The following ZNF431 variants were observed in gnomAD, a reference collection of about 807,000 sequenced individuals.
ZNF431 encodes the protein zinc finger protein 431.
Under a neutral mutation model 57.0 loss-of-function variants are expected in ZNF431, and 34 were observed. That is an observed-to-expected ratio of 0.60 (90% confidence interval 0.45 to 0.79). The LOEUF is 0.79. ZNF431 is among the 30% of genes least tolerant of loss of function. The pLI is 0.00. For missense variants in ZNF431, 607 were observed against 667.1 expected, an observed-to-expected ratio of 0.91 and a Z score of 0.99; for synonymous variants, 207 against 220.3, an observed-to-expected ratio of 0.94 and a Z score of 0.54.
chr19:21,160,023 T>C (rs1398754837), intron 2 of ZNF431, among the ~76,000 whole-genome samples: 1 of 149,536 alleles, frequency 6.7e-6, no homozygotes, highest in Non-Finnish European at 1.5e-5. Context: ...ACTTAGAGTA[T>C]GCTAGAACAG....
chr19:21,160,592 C>T (rs1568302479), intron 2 of ZNF431, among the ~76,000 whole-genome samples: 1 of 152,192 alleles, frequency 6.6e-6, no homozygotes, highest in Non-Finnish European at 1.5e-5. Context: ...AGTGGGCCCT[C>T]AGCCGTGGAT....
intron 1 of ZNF431, 108 bp from the exon 2 acceptor site, chr19:21,143,443 C>G (rs1406409385): frequency 3.5e-6 from 3 of 859,728 alleles, no homozygotes; most frequent in Non-Finnish European, 3.8e-6. Context: ...TAGTTTTTTT[C>G]TGGTCGTGGG....
At position 21,183,006 on chromosome 19, in the gene ZNF431, G is replaced by A; in HGVS notation, c.703G>A (p.Glu235Lys). 1.9e-6 allele frequency: 3 copies of A among 1,614,076 alleles called. No individual in the cohort carries two copies. Among genetic ancestry groups the A allele is most frequent in the Non-Finnish European group, 2.5e-6 (3 of 1,179,936 alleles). Reference sequence around the variant, plus strand: ...TATTAGAGAGAATTCTTACCAATGTGAAGAATGTGGCAAAGCTTTTAAATG... The same window carrying A: ...TATTAGAGAGAATTCTTACCAATGTAAAGAATGTGGCAAAGCTTTTAAATG... ...IHIRENSYQC[E>K]ECGKAFKWFS... Residue 235 changes from glutamate to lysine, a missense_variant, in exon 5 of 5, where the codon GAA becomes AAA. Coordinates refer to ENST00000311048, the MANE Select transcript of ZNF431 (RefSeq NM_133473.4).
rs546191861 is a variant in ZNF431, at chr19:21,162,959, CCTAT to C, written c.97-3373_97-3370del. On this transcript the variant is annotated intron_variant, in intron 2 of 4. Coordinates refer to ENST00000311048, the MANE Select transcript of ZNF431 (RefSeq NM_133473.4). ...TTAAATTCTCTCATTCTGTATCCCT[CCTAT>C]CTGTCTATATTTAGCTTTTATTCTA... is the stretch of plus-strand genomic sequence containing the variant. 2.5e-3 allele frequency among the ~76,000 whole-genome samples: 385 copies of C among 151,984 alleles called. 2 individuals are homozygous for C. Among genetic ancestry groups the C allele is most frequent in the African/African-American group, 7.8e-3 (323 of 41,448 alleles).
At chr19:21,168,358 A>G (rs1208509727) in intron 4 of ZNF431, among the ~76,000 whole-genome samples, 1 of 151,982 alleles carries the variant, frequency 6.6e-6, no homozygotes, top group Non-Finnish European at 1.5e-5. Context: ...TATTCTTTCA[A>G]TCCAAGACAT....
intron 1 of ZNF431, 96 bp from the exon 2 acceptor site, chr19:21,143,455 T>C: frequency 1.0e-6 from 1 of 974,274 alleles, no homozygotes; most frequent in Non-Finnish European, 1.6e-6. Flanking sequence ...GGTCGTGGGT[T>C]TCAGTGCTGT....
chr19:21,182,502 G>A, intron 4 of ZNF431, 121 bp from the exon 5 acceptor site: 2 of 1,093,240 alleles, frequency 1.8e-6, no homozygotes, highest in Non-Finnish European at 2.5e-6. Flanking sequence ...AAGGATTTAG[G>A]GCCTATGGTA....
At chr19:21,177,647 G>T (rs1054417755) in intron 4 of ZNF431, among the ~76,000 whole-genome samples, 3 of 152,120 alleles carry the variant, frequency 2.0e-5, no homozygotes, top group Non-Finnish European at 2.9e-5. Context: ...AATTAGCCTG[G>T]CATGGTGGCA....
At chr19:21,171,196 A>G (rs1970877815) in intron 4 of ZNF431, among the ~76,000 whole-genome samples, 1 of 152,200 alleles carries the variant, frequency 6.6e-6, no homozygotes. Flanking sequence ...TTCTAATTAT[A>G]CTGCATATTC....
chr19:21,164,837 G>A (rs1018866746), intron 2 of ZNF431, among the ~76,000 whole-genome samples: 6 of 151,946 alleles, frequency 3.9e-5, no homozygotes, highest in East Asian at 1.9e-4. Flanking sequence ...CTGGCTGGGC[G>A]CGGTGGCTCA....
chr19:21,143,670 C>T (rs780495408), intron 2 of ZNF431, 27 bp downstream of exon 2: 1 of 1,553,812 alleles, frequency 6.4e-7, no homozygotes, highest in South Asian at 1.1e-5. Context: ...TTAAAATTGT[C>T]TACGCCCAAC....
chr19:21,180,118 T>C (rs1971171187), intron 4 of ZNF431, among the ~76,000 whole-genome samples: 1 of 152,160 alleles, frequency 6.6e-6, no homozygotes, highest in African/African-American at 2.4e-5. Flanking sequence ...AACTGTGTCA[T>C]GACTCTTTAT....
At chr19:21,157,632 A>G (rs1307387391) in intron 2 of ZNF431, among the ~76,000 whole-genome samples, 1 of 151,588 alleles carries the variant, frequency 6.6e-6, no homozygotes, top group African/African-American at 2.4e-5. Flanking sequence ...CCTAGGTTCA[A>G]GCTATTCTCC....
chr19:21,144,032 A>C (rs1970014459), intron 2 of ZNF431, among the ~76,000 whole-genome samples: 1 of 151,876 alleles, frequency 6.6e-6, no homozygotes, highest in African/African-American at 2.4e-5. Context: ...GGGTGGAAGA[A>C]TCTCCCAAGT....
chr19:21,183,618 C>T lies in ZNF431; in HGVS notation c.1315C>T (p.Arg439Trp), dbSNP rs369438184. 6.3e-5 allele frequency: 101 copies of T among 1,613,104 alleles called. No homozygotes were observed. Among genetic ancestry groups the T allele is most frequent in the East Asian group, 1.6e-4 (7 of 44,824 alleles). Residue 439 changes from arginine to tryptophan, a missense_variant, in exon 5 of 5, where the codon CGG becomes TGG. By Grantham distance (101) the Arg-to-Trp change is moderately radical. Coordinates refer to ENST00000311048, the MANE Select transcript of ZNF431 (RefSeq NM_133473.4). ...TGAAGAATGTGGCAAAGCTTTTAAC[C>T]GGTCCCCACAACTTACTGCACATAA... ...KCEECGKAFN[R>W]SPQLTAHKII...
rs546413696 is a variant in ZNF431, at chr19:21,182,747, C to T, written c.444C>T (p.Ser148=). The T allele has an allele frequency of 6.8e-5, 110 of 1,613,798 alleles. 2 individuals carry two copies. In the South Asian group the frequency reaches 9.9e-4, roughly 14 times the overall value. ...AGAATTTACAGTTAAGAAAAGGCTC[C>T]GCAAGTGTAGATGAGTATAAGGTGC... ...EHENLQLRKG[S]ASVDEYKVHK... The change falls in exon 5 of 5, where the codon TCC becomes TCT. Residue 148 remains serine (S), a synonymous_variant. Transcript: ENST00000311048.
chr19:21,142,241 T>C, intron 1 of ZNF431, 55 bp downstream of exon 1: 2 of 1,611,492 alleles, frequency 1.2e-6, no homozygotes, highest in Non-Finnish European at 1.7e-6. Context: ...TTGTAACCGG[T>C]GGGAAGTGGC....
intron 2 of ZNF431, 91 bp downstream of exon 2, chr19:21,143,734 C>A: frequency 1.1e-6 from 1 of 876,660 alleles, no homozygotes; most frequent in Non-Finnish European, 1.9e-6. Context: ...GATGCTGGCA[C>A]TGATGGGAAA....
At chr19:21,174,613 A>G (rs1970998713) in intron 4 of ZNF431, among the ~76,000 whole-genome samples, 1 of 152,182 alleles carries the variant, frequency 6.6e-6, no homozygotes, top group South Asian at 2.1e-4. Context: ...TGCATGGAAT[A>G]TAGATTTTTT....
Sources: allele counts gnomAD v4.1 joint callset (sites outside exome capture counted in the v4.1 genomes callset), GRCh38; gene constraint gnomAD v4.1.1; transcripts MANE v1.5; gene names NCBI Gene and HGNC (gene_info 2026-07-23, HGNC 2026-07-21).